SERGEF: variants seen among roughly 807,000 people sequenced by gnomAD.
SERGEF encodes the protein secretion regulating guanine nucleotide exchange factor.
A neutral mutation model predicts 50.0 loss-of-function variants in SERGEF; 51 were observed. That is an observed-to-expected ratio of 1.02 (90% CI 0.81 to 1.29). The LOEUF (loss-of-function observed/expected upper bound fraction) is 1.29. Among genes scored for constraint, SERGEF ranks in the 50% most tolerant of loss-of-function variants. SERGEF has a pLI of 0.00. For missense variants in SERGEF, 521 were observed against 557.0 expected (o/e 0.94, Z 0.65); for synonymous variants, 205 against 212.4 (o/e 0.97, Z 0.30).
intron 6 of SERGEF, among the ~76,000 whole-genome samples, chr11:17,994,024 A>G (rs78826409): frequency 3.9e-4 from 59 of 152,288 alleles, no homozygotes; most frequent in African/African-American, 1.3e-3. Flanking sequence ...TTTCCCTCTA[A>G]TAACAGGTCC....
intron 9 of SERGEF, among the ~76,000 whole-genome samples, chr11:17,931,292 T>C (rs537814812): frequency 1.3e-5 from 2 of 152,296 alleles, no homozygotes; most frequent in African/African-American, 4.8e-5. Flanking sequence ...ATAAAAATCA[T>C]ACTACTATCA....
intron 9 of SERGEF, among the ~76,000 whole-genome samples, chr11:17,911,451 T>C (rs535667606): frequency 1.8e-4 from 27 of 150,784 alleles, no homozygotes; most frequent in African/African-American, 5.8e-4. Flanking sequence ...TTTTGACATA[T>C]GTACACACTA....
intron 10 of SERGEF, chr11:17,855,496 C>G (rs1013123161): frequency 6.6e-6 from 1 of 152,034 alleles, no homozygotes; most frequent in African/African-American, 2.4e-5. Flanking sequence ...TAGTACCAAA[C>G]TATATATATT....
rs571459849 is a variant in SERGEF at position 17,871,448 on chromosome 11, G to A, written c.1048+6760C>T. Among the ~76,000 whole-genome samples the A allele has an allele frequency of 8.0e-5, 10 of 124,914 alleles. No individual in the cohort carries two copies. In the East Asian group the frequency reaches 1.7e-3, roughly 21 times the overall value. The allele number at this position is 124,914 out of a possible 152,430, so 81.9% of individuals were successfully genotyped here. Reference sequence around the variant, plus strand: ...TGCACTCCGGCCTGGGTGACAGAGCGAGACTCCATCTCAAAAAAAAAAAAA... The same window carrying A: ...TGCACTCCGGCCTGGGTGACAGAGCAAGACTCCATCTCAAAAAAAAAAAAA... On this transcript the variant is annotated intron_variant, in intron 10 of 10. Coordinates refer to ENST00000265965, the MANE Select transcript of SERGEF (RefSeq NM_012139.4).
chr11:17,829,320 C>T (rs763783678), intron 10 of SERGEF, among the ~76,000 whole-genome samples: 7 of 152,278 alleles, frequency 4.6e-5, no homozygotes, highest in East Asian at 1.9e-4. Context: ...GTGCAGATTC[C>T]GATTCAGCAG....
At chr11:17,965,409 A>G (rs978191330) in intron 8 of SERGEF, among the ~76,000 whole-genome samples, 5 of 152,124 alleles carry the variant, frequency 3.3e-5, no homozygotes, top group African/African-American at 1.2e-4. Context: ...AGAACAGACT[A>G]ATACAGCCTC....
intron 8 of SERGEF, among the ~76,000 whole-genome samples, chr11:17,984,304 C>G (rs1439523714): frequency 6.6e-6 from 1 of 152,054 alleles, no homozygotes; most frequent in Non-Finnish European, 1.5e-5. Context: ...TCTGGGGAGG[C>G]CTCTGGAAGC....
intron 10 of SERGEF, among the ~76,000 whole-genome samples, chr11:17,822,762 G>C (rs544860059): frequency 2.6e-5 from 4 of 152,266 alleles, no homozygotes; most frequent in African/African-American, 7.2e-5. Flanking sequence ...TCGAAGAACC[G>C]AGCCTAGAGG....
At chr11:17,992,273 GAC>G (rs1366477985) in intron 7 of SERGEF, among the ~76,000 whole-genome samples, 2 of 152,114 alleles carry the variant, frequency 1.3e-5, no homozygotes, top group Non-Finnish European at 2.9e-5. Context: ...TAGATATATA[GAC>G]ACACAGATTA....
Position 17,884,271 on chromosome 11 carries a change from G to A in SERGEF, c.1012-6027C>T, listed in dbSNP as rs956742622. On this transcript the variant is annotated intron_variant, in intron 9 of 10. Transcript: ENST00000265965. The surrounding 1 kb of genome is among the most constrained non-coding windows in gnomAD (Gnocchi z 4.6). ...ACGGGGTTTAGGTTGGTACGGTACT[G>A]GGTTATGCTCTGTGCCGCACTGCGA... 1.3e-5 allele frequency among the ~76,000 whole-genome samples: 2 copies of A among 152,240 alleles called. No homozygotes were observed. The highest frequency in any genetic ancestry group is 4.8e-5 in the African/African-American group (2 of 41,468).
intron 10 of SERGEF, chr11:17,856,593 A>G (rs1850823499): frequency 6.6e-6 from 1 of 152,242 alleles, no homozygotes; most frequent in Non-Finnish European, 1.5e-5. Context: ...CTTAAGCTGC[A>G]GAGTACCCAG....
chr11:17,922,421 T>C (rs374110480), intron 9 of SERGEF, among the ~76,000 whole-genome samples: 9 of 152,322 alleles, frequency 5.9e-5, no homozygotes, highest in South Asian at 2.1e-4. Context: ...AAGATGATCA[T>C]GCTCAGAACA....
At chr11:17,878,496 G>C (rs1312238293) in intron 9 of SERGEF, among the ~76,000 whole-genome samples, 1 of 152,142 alleles carries the variant, frequency 6.6e-6, no homozygotes, top group Non-Finnish European at 1.5e-5. Flanking sequence ...GAGACCATGA[G>C]TAATTTTTTA....
At chr11:17,804,355 G>A (rs1270204051) in intron 10 of SERGEF, among the ~76,000 whole-genome samples, 1 of 152,212 alleles carries the variant, frequency 6.6e-6, no homozygotes, top group Non-Finnish European at 1.5e-5. Flanking sequence ...AAGGCTCAGA[G>A]CCCTATCCAC....
At chr11:17,922,399 T>C (rs1852175110) in intron 9 of SERGEF, among the ~76,000 whole-genome samples, 1 of 152,172 alleles carries the variant, frequency 6.6e-6, no homozygotes, top group African/African-American at 2.4e-5. Flanking sequence ...AGGTTACCCA[T>C]AGCTCTTGGA....
chr11:17,846,449 G>C, intron 10 of SERGEF: 1 of 326,686 alleles, frequency 3.1e-6, no homozygotes, highest in African/African-American at 2.1e-5. Flanking sequence ...CTCCTCTCTG[G>C]GGAAAGGGTC....
chr11:17,836,545 A>T (rs1359662195), intron 10 of SERGEF, among the ~76,000 whole-genome samples: 1 of 152,220 alleles, frequency 6.6e-6, no homozygotes, highest in Non-Finnish European at 1.5e-5. Flanking sequence ...CCTGATGCCT[A>T]AAGGATTAAG....
intron 8 of SERGEF, among the ~76,000 whole-genome samples, chr11:17,978,738 G>A (rs1235253176): frequency 1.3e-5 from 2 of 152,118 alleles, no homozygotes; most frequent in East Asian, 3.9e-4. Context: ...CCCTTTCTGG[G>A]CCTAGGTTCT....
chr11:17,939,624 G>C (rs1437015809), intron 9 of SERGEF: 1 of 152,304 alleles, frequency 6.6e-6, no homozygotes, highest in Non-Finnish European at 1.5e-5. Context: ...TGGATCACCA[G>C]GTATGCCTAG....
Sources: allele counts gnomAD v4.1 joint callset (sites outside exome capture counted in the v4.1 genomes callset), GRCh38; gene constraint gnomAD v4.1.1; non-coding constraint Gnocchi (gnomAD v3.1); transcripts MANE v1.5; gene names NCBI Gene and HGNC (gene_info 2026-07-23, HGNC 2026-07-21).